KCNMA1: variants seen among roughly 807,000 people sequenced by gnomAD.
KCNMA1 encodes the protein Calcium-activated potassium channel subunit alpha-1.
In KCNMA1, 29 loss-of-function variants were observed where a neutral mutation model predicts 140.0. The ratio of observed to expected loss-of-function variants is 0.21; its 90% confidence interval spans 0.15 to 0.28. The LOEUF is 0.28. Among genes scored for constraint, KCNMA1 ranks in the 10% least tolerant of loss-of-function variants. The pLI is 1.00. For missense variants in KCNMA1, 880 were observed against 1,602.2 expected, an observed-to-expected ratio of 0.55 and a Z score of 7.70; for synonymous variants, 612 against 611.9, an observed-to-expected ratio of 1.00 and a Z score of 0.00.
chr10:76,999,639 A>G (rs1475849177), intron 19 of KCNMA1, among the ~76,000 whole-genome samples: 2 of 152,116 alleles, frequency 1.3e-5, no homozygotes, highest in African/African-American at 4.8e-5. Flanking sequence ...ACTACAGATA[A>G]CTCTTCAGGG....
At chr10:77,416,016 T>C (rs1486231237) in intron 1 of KCNMA1, among the ~76,000 whole-genome samples, 1 of 152,256 alleles carries the variant, frequency 6.6e-6, no homozygotes, top group Admixed American at 6.5e-5. Context: ...AATAAAAAGC[T>C]GGTGGCCTTG....
At chr10:77,359,903 C>T (rs767116517) in intron 2 of KCNMA1, among the ~76,000 whole-genome samples, 2 of 152,134 alleles carry the variant, frequency 1.3e-5, no homozygotes, top group African/African-American at 2.4e-5. Context: ...AGTGGACATT[C>T]GCTGAAAGAA....
chr10:77,323,388 G>A (rs2082927654), intron 2 of KCNMA1, among the ~76,000 whole-genome samples: 2 of 152,228 alleles, frequency 1.3e-5, no homozygotes, highest in African/African-American at 4.8e-5. Context: ...ATGGAAGAGT[G>A]AGTTTGAAGT....
intron 1 of KCNMA1, among the ~76,000 whole-genome samples, chr10:77,417,924 C>T (rs946340180): frequency 1.3e-5 from 2 of 152,310 alleles, no homozygotes; most frequent in Admixed American, 6.5e-5. Flanking sequence ...CAGGATCTAC[C>T]GCTCCGAGCA....
At chr10:77,446,451 C>A (rs891318681) in intron 1 of KCNMA1, among the ~76,000 whole-genome samples, 12 of 152,334 alleles carry the variant, frequency 7.9e-5, no homozygotes, top group South Asian at 2.1e-4. Flanking sequence ...AGATCCTTGG[C>A]ACCCACCCCA....
rs2036344319 is a variant in KCNMA1, at chr10:76,885,231, TTATA to T, written c.*2031_*2034del. Reference sequence around the variant, plus strand: ...TATATATATAGTTATATATATATAATTATATAGTTATATATATATAATTATATAT... The same window carrying T: ...TATATATATAGTTATATATATATAATTAGTTATATATATATAATTATATAT... On this transcript the variant is annotated 3_prime_UTR_variant, in exon 28 of 28. Transcript: ENST00000286628. 2.2e-6 allele frequency: 1 copy of T among 452,156 alleles called. No homozygotes were observed. The highest frequency in any genetic ancestry group is 2.9e-6 in the Non-Finnish European group (1 of 342,902). The allele number at this position is 452,156 out of a possible 1,614,324, so 28.0% of individuals were successfully genotyped here. A position where few individuals can be genotyped will look rare whatever the true frequency, so the allele number is the denominator to read the frequency against.
At chr10:77,073,274 T>C in intron 13 of KCNMA1, 22 bp from the exon 14 acceptor site, 1 of 1,613,374 alleles carries the variant, frequency 6.2e-7, no homozygotes, top group Non-Finnish European at 8.5e-7. Context: ...AAAGCAGGTA[T>C]GAGACCTTGC....
intron 2 of KCNMA1, among the ~76,000 whole-genome samples, chr10:77,360,983 T>C (rs2093901549): frequency 6.6e-6 from 1 of 152,086 alleles, no homozygotes; most frequent in Non-Finnish European, 1.5e-5. Flanking sequence ...TCAGAAGTAC[T>C]AGGTCAAGGT....
chr10:77,079,634 G>C (rs1293752197), intron 12 of KCNMA1, 84 bp from the exon 13 acceptor site: 5 of 963,970 alleles, frequency 5.2e-6, no homozygotes, highest in Non-Finnish European at 6.8e-6. Flanking sequence ...GTCTCCAAAT[G>C]GGGTACCCAT....
chr10:77,461,216 C>T (rs1404436297), intron 1 of KCNMA1, among the ~76,000 whole-genome samples: 1 of 131,448 alleles, frequency 7.6e-6, no homozygotes, highest in East Asian at 2.3e-4. Flanking sequence ...CAAAACCGCA[C>T]TTGTACTCCC....
chr10:77,036,578 A>T (rs2094350095), intron 15 of KCNMA1, among the ~76,000 whole-genome samples: 1 of 152,232 alleles, frequency 6.6e-6, no homozygotes, highest in Non-Finnish European at 1.5e-5. Flanking sequence ...TGTATATTTT[A>T]TCTGTGCTTT....
chr10:77,554,949 C>T (rs897939814), intron 1 of KCNMA1, among the ~76,000 whole-genome samples: 12 of 152,092 alleles, frequency 7.9e-5, no homozygotes, highest in Non-Finnish European at 1.6e-4. Flanking sequence ...TTGACCTCTT[C>T]CTAACTTTTC....
chr10:77,039,980 T>C (rs947088481), intron 14 of KCNMA1, among the ~76,000 whole-genome samples: 2 of 136,322 alleles, frequency 1.5e-5, no homozygotes, highest in Non-Finnish European at 3.1e-5. Context: ...ACACCTGCAC[T>C]GAAGCAATCC....
At chr10:77,252,443 T>C (rs1239675218) in intron 2 of KCNMA1, among the ~76,000 whole-genome samples, 2 of 152,136 alleles carry the variant, frequency 1.3e-5, no homozygotes, top group African/African-American at 4.8e-5. Flanking sequence ...CTCCTCAGTG[T>C]CCATCTATTG....
chr10:76,970,328 A>AC, intron 19 of KCNMA1: 2 of 130,518 alleles, frequency 1.5e-5, no homozygotes, highest in Non-Finnish European at 2.8e-5. Context: ...CCCTGCCATA[A>AC]GAAAAAAAAA....
At chr10:77,231,265 C>T (rs1307061689) in intron 3 of KCNMA1, among the ~76,000 whole-genome samples, 1 of 152,156 alleles carries the variant, frequency 6.6e-6, no homozygotes, top group East Asian at 1.9e-4. Context: ...CTCACTGATC[C>T]GTTTCCACTG....
At chr10:77,530,561 T>C (rs547563968) in intron 1 of KCNMA1, among the ~76,000 whole-genome samples, 9 of 152,316 alleles carry the variant, frequency 5.9e-5, no homozygotes, top group African/African-American at 2.2e-4. Flanking sequence ...GCGTTGCCTG[T>C]GAGGGTGATG....
At position 77,129,707 on chromosome 10, in the gene KCNMA1, T is replaced by A. The variant is rs542264423; in HGVS notation, c.809-8659A>T. ...GAAAACCAATAAATATGAAAAAAAA[T>A]TTTAAAAATCTGTAGAATTTTATGG... On this transcript the variant is annotated intron_variant, in intron 5 of 27. Transcript: ENST00000286628. Among the ~76,000 whole-genome samples the A allele has an allele frequency of 9.5e-4, 144 of 152,080 alleles. 1 individual carries two copies. Among genetic ancestry groups the A allele is most frequent in the South Asian group, 3.1e-3 (15 of 4,818 alleles).
At chr10:77,116,576 G>A (rs1171908242) in intron 6 of KCNMA1, among the ~76,000 whole-genome samples, 4 of 151,936 alleles carry the variant, frequency 2.6e-5, no homozygotes, top group Non-Finnish European at 5.9e-5. Context: ...CTGGACAGAT[G>A]TAAAATACCC....
Sources: allele counts gnomAD v4.1 joint callset (sites outside exome capture counted in the v4.1 genomes callset), GRCh38; gene constraint gnomAD v4.1.1; transcripts MANE v1.5; gene names NCBI Gene and HGNC (gene_info 2026-07-23, HGNC 2026-07-21).